SPAG17: variants seen among roughly 807,000 people sequenced by gnomAD.
The protein encoded by SPAG17 is sperm associated antigen 17, also known as sperm-associated antigen 17.
A neutral mutation model predicts 273.6 loss-of-function variants in SPAG17; 169 were observed. The ratio of observed to expected loss-of-function variants is 0.62; its 90% confidence interval spans 0.55 to 0.70. The LOEUF is 0.70. Among genes scored for constraint, SPAG17 ranks in the 30% least tolerant of loss-of-function variants. The probability of loss-of-function intolerance (pLI) is 0.00; values close to 1 mark genes in which losing one functional copy is unlikely to be tolerated. For synonymous variants in SPAG17, 825 were observed against 873.2 expected (o/e 0.94, Z 0.97); for missense variants, 2,557 against 2,627.8 (o/e 0.97, Z 0.59).
Position 118,081,185 on chromosome 1 carries a change from T to C in SPAG17, c.2125A>G (p.Asn709Asp). Residue 709 changes from asparagine (N) to aspartate (D), a missense_variant, in exon 15 of 49, where the codon AAT becomes GAT. Physicochemically the swap from Asn to Asp is conservative, Grantham distance 23. Transcript: ENST00000336338. ...TTATCAGGGACTGAGAGTTTGAGAT[T>C]ATTCAAGTCAGAATGCTTCATATTG... is the stretch of plus-strand genomic sequence containing the variant. ...ANNMKHSDLN[N>D]LKLSVPDNRQ... 1 of 1,614,014 alleles carries C rather than the reference T, an allele frequency of 6.2e-7. No individual in the cohort carries two copies. Among genetic ancestry groups the C allele is most frequent in the South Asian group, 1.1e-5 (1 of 91,052 alleles).
chr1:117,987,706 G>GT (rs2101626130), intron 40 of SPAG17, 128 bp downstream of exon 40: 1 of 889,746 alleles, frequency 1.1e-6, no homozygotes, highest in African/African-American at 1.7e-5. Context: ...ATGACCACTT[G>GT]GTAGACATGT....
intron 3 of SPAG17, among the ~76,000 whole-genome samples, chr1:118,123,658 C>G (rs1657544199): frequency 6.6e-6 from 1 of 152,188 alleles, no homozygotes; most frequent in South Asian, 2.1e-4. Flanking sequence ...GTATCCATCT[C>G]TCGACAATGT....
chr1:118,115,463 A>G (rs1355787844), intron 3 of SPAG17, 22 bp from the exon 4 acceptor site: 16 of 1,596,506 alleles, frequency 1.0e-5, no homozygotes, highest in Middle Eastern at 1.7e-4. Flanking sequence ...CACAATTATT[A>G]GAAAAAGTGA....
intron 10 of SPAG17, among the ~76,000 whole-genome samples, chr1:118,090,730 A>G (rs1279421836): frequency 1.3e-5 from 2 of 152,006 alleles, no homozygotes; most frequent in Admixed American, 1.3e-4. Context: ...CAAAAAAATT[A>G]TTTTAAATTC....
intron 27 of SPAG17, 64 bp from the exon 28 acceptor site, chr1:118,023,527 C>A: frequency 1.3e-6 from 2 of 1,490,774 alleles, no homozygotes; most frequent in South Asian, 2.5e-5. Context: ...TAACAATAAA[C>A]GCTGTGTGTC....
chr1:118,054,109 A>G lies in SPAG17; in HGVS notation c.2723-16T>C. On this transcript the variant is annotated splice_polypyrimidine_tract_variant and intron_variant, in intron 19 of 48. Transcript: ENST00000336338. ...CCTTTGTTACCTATAATCAGATAAA[A>G]TTAAACTTCTTAGTAACTCTTAAAT... The G allele has an allele frequency of 6.5e-7, 1 of 1,543,122 alleles. No homozygotes were observed. The highest frequency in any genetic ancestry group is 8.9e-7 in the Non-Finnish European group (1 of 1,123,570).
intron 48 of SPAG17, chr1:117,955,087 C>A: frequency 2.2e-6 from 1 of 448,682 alleles, no homozygotes; most frequent in Non-Finnish European, 3.9e-6. Flanking sequence ...GGTATCTTCA[C>A]CTTATAGATA....
chr1:117,955,498 A>G, intron 48 of SPAG17: 1 of 752,484 alleles, frequency 1.3e-6, no homozygotes, highest in Non-Finnish European at 2.0e-6. Flanking sequence ...ATGGAAAATA[A>G]TTTATAATGT....
chr1:117,955,305 TC>T (rs766108401), intron 48 of SPAG17: 98 of 1,610,442 alleles, frequency 6.1e-5, no homozygotes, highest in Non-Finnish European at 7.8e-5. Context: ...TATTAATCCT[TC>T]CTTTATAGCC....
Position 118,104,771 on chromosome 1 carries a change from G to C in SPAG17, c.448-2845C>G, listed in dbSNP as rs371328001. Reference sequence around the variant, plus strand: ...CATGAAGAAGAGCAATTATGGTGGAGTGTGGAGGTGGAAAATAGGAGGGCA... The same window carrying C: ...CATGAAGAAGAGCAATTATGGTGGACTGTGGAGGTGGAAAATAGGAGGGCA... On this transcript the variant is annotated intron_variant, in intron 4 of 48. Transcript: ENST00000336338. Among the ~76,000 whole-genome samples the C allele has an allele frequency of 5.4e-4, 83 of 152,352 alleles. 2 individuals are homozygous for C. The South Asian group carries it at 0.017, about 30-fold the overall frequency.
At chr1:118,042,236 A>G (rs528670313) in intron 20 of SPAG17, among the ~76,000 whole-genome samples, 194 bp from the exon 21 acceptor site, 11 of 152,170 alleles carry the variant, frequency 7.2e-5, no homozygotes, top group East Asian at 1.9e-4. Context: ...AATCCTGTCA[A>G]TTCCCCCTTT....
intron 1 of SPAG17, among the ~76,000 whole-genome samples, chr1:118,179,295 C>T (rs115568119): frequency 0.038 from 5,834 of 152,008 alleles, 186 homozygotes; most frequent in Non-Finnish European, 0.056. Context: ...TTGTAGTAAA[C>T]TCATTTTCAA....
chr1:118,057,051 A>C (rs896599027), intron 18 of SPAG17, among the ~76,000 whole-genome samples: 8 of 150,832 alleles, frequency 5.3e-5, no homozygotes, highest in Non-Finnish European at 1.2e-4. Context: ...CACTTGGTTC[A>C]CTGCAACCTC....
At chr1:118,161,757 G>C (rs577425090) in intron 1 of SPAG17, among the ~76,000 whole-genome samples, 1 of 152,160 alleles carries the variant, frequency 6.6e-6, no homozygotes, top group South Asian at 2.1e-4. Flanking sequence ...GGATGGTCTC[G>C]ATCTCCTGAC....
chr1:118,036,978 G>A, intron 23 of SPAG17, 95 bp from the exon 24 acceptor site: 1 of 807,006 alleles, frequency 1.2e-6, no homozygotes, highest in South Asian at 1.7e-5. Flanking sequence ...GTTCATAGCT[G>A]CTCTACCACA....
intron 29 of SPAG17, among the ~76,000 whole-genome samples, chr1:118,014,311 A>G (rs1220262826): frequency 6.6e-6 from 1 of 152,204 alleles, no homozygotes; most frequent in Non-Finnish European, 1.5e-5. Context: ...TTTTTAATTC[A>G]TGCTTGAATC....
In SPAG17 at chr1:118,036,855, G is replaced by C; in HGVS notation, c.3348C>G (p.Phe1116Leu). Reference protein sequence around the residue: ...TEVSDAKNKAFSKFGSFSATL... With the variant: ...TEVSDAKNKALSKFGSFSATL... ...TGGCAGAAAAAGATCCAAACTTGCTGAAAGCTTTATTCTTTGCATCTGATA... is the reference window on the plus strand; with the variant it reads ...TGGCAGAAAAAGATCCAAACTTGCTCAAAGCTTTATTCTTTGCATCTGATA... Residue 1116 changes from phenylalanine to leucine, a missense_variant, in exon 24 of 49, where the codon TTC becomes TTG. Transcript: ENST00000336338. 6.4e-7 allele frequency: 1 copy of C among 1,558,952 alleles called. No individual in the cohort carries two copies. The highest frequency in any genetic ancestry group is 8.7e-7 in the Non-Finnish European group (1 of 1,149,944).
At chr1:118,074,432 TCTC>T (rs1287219165) in intron 16 of SPAG17, 104 bp downstream of exon 16, 6 of 933,680 alleles carry the variant, frequency 6.4e-6, no homozygotes, top group African/African-American at 3.3e-5. Flanking sequence ...GCCTCAGTAT[TCTC>T]CTTCTAAGTA....
At chr1:118,027,540 G>T (rs893509359) in intron 26 of SPAG17, among the ~76,000 whole-genome samples, 1 of 152,100 alleles carries the variant, frequency 6.6e-6, no homozygotes, top group African/African-American at 2.4e-5. Flanking sequence ...ACTTAAAAGG[G>T]ACACATCATT....
Sources: gnomAD v4.1 joint callset for allele counts (sites outside exome capture counted in the v4.1 genomes callset) on GRCh38, gnomAD v4.1.1 for gene constraint, MANE v1.5 for transcripts, NCBI Gene and HGNC (gene_info 2026-07-23, HGNC 2026-07-21) for gene names.